Variants in FOXO1 observed in about 807,000 individuals in gnomAD.
The protein encoded by FOXO1 is forkhead box protein O1.
Under a neutral mutation model 44.1 loss-of-function variants are expected in FOXO1, and 6 were observed. The ratio of observed to expected loss-of-function variants is 0.14; its 90% CI spans 0.07 to 0.27. FOXO1 has a LOEUF of 0.27. Among genes scored for constraint, FOXO1 ranks in the 10% least tolerant of loss-of-function variants. The pLI, the probability that FOXO1 is intolerant of heterozygous loss-of-function variation, is 1.00. For missense variants in FOXO1, 737 were observed against 888.8 expected, an observed-to-expected ratio of 0.83 and a Z score of 2.17; for synonymous variants, 380 against 362.7, an observed-to-expected ratio of 1.05 and a Z score of -0.54.
At chr13:40,615,758 G>GC (rs1029679782) in intron 1 of FOXO1, among the ~76,000 whole-genome samples, 1 of 152,152 alleles carries the variant, frequency 6.6e-6, no homozygotes, top group African/African-American at 2.4e-5. Context: ...TGGTGCCAAA[G>GC]CCCCGAGGCA....
intron 1 of FOXO1, among the ~76,000 whole-genome samples, chr13:40,589,546 G>C (rs1217821879): frequency 6.6e-6 from 1 of 152,178 alleles, no homozygotes; most frequent in African/African-American, 2.4e-5. Flanking sequence ...TTTCGTCTTT[G>C]TTACTCTATC....
chr13:40,643,650 G>C (rs1167868470), intron 1 of FOXO1, among the ~76,000 whole-genome samples: 1 of 151,960 alleles, frequency 6.6e-6, no homozygotes, highest in Non-Finnish European at 1.5e-5. Flanking sequence ...GGAAAGATAG[G>C]TCTAAAGGTT....
Position 40,576,686 on chromosome 13 carries a change from G to C in FOXO1, c.631-15826C>G, listed in dbSNP as rs117059540. ...GTTTTCGATTCAAGCTTTGGCTTCT[G>C]TCTCATGACTTGAAGGATACTTGAT... is the stretch of plus-strand genomic sequence containing the variant. On this transcript the variant is annotated intron_variant, in intron 1 of 2. Coordinates refer to ENST00000379561, the MANE Select transcript of FOXO1 (RefSeq NM_002015.4). Among the ~76,000 whole-genome samples the C allele has an allele frequency of 7.2e-5, 11 of 152,306 alleles. No individual in the cohort carries two copies. The East Asian group carries it at 2.1e-3, about 29-fold the overall frequency.
chr13:40,634,486 G>A (rs983613124), intron 1 of FOXO1, among the ~76,000 whole-genome samples: 17 of 151,972 alleles, frequency 1.1e-4, no homozygotes, highest in African/African-American at 3.9e-4. Flanking sequence ...AGTGAGCTAG[G>A]GCAACACAGA....
At chr13:40,607,556 G>C (rs1263182577) in intron 1 of FOXO1, among the ~76,000 whole-genome samples, 1 of 152,152 alleles carries the variant, frequency 6.6e-6, no homozygotes, top group Non-Finnish European at 1.5e-5. Context: ...AAAGTTATCA[G>C]GGAGCTTAAA....
chr13:40,559,588 C>T lies in FOXO1; in HGVS notation c.1903G>A (p.Val635Met). ...GDTLDFNFDN[V>M]LPNQSFPHSV... ...TGTGGGAAGCTTTGGTTGGGCAACACATTGTCAAAGTTAAAATCCAATGTA... is the reference window on the plus strand; with the variant it reads ...TGTGGGAAGCTTTGGTTGGGCAACATATTGTCAAAGTTAAAATCCAATGTA... Residue 635 changes from valine to methionine, a missense_variant, in exon 2 of 3, where the codon GTG becomes ATG. Transcript: ENST00000379561. The T allele has an allele frequency of 6.2e-7, 1 of 1,613,878 alleles. No homozygotes were observed. Among genetic ancestry groups the T allele is most frequent in the Non-Finnish European group, 8.5e-7 (1 of 1,179,840 alleles).
chr13:40,651,057 G>C (rs1225062456), intron 1 of FOXO1, among the ~76,000 whole-genome samples: 1 of 151,872 alleles, frequency 6.6e-6, no homozygotes, highest in Non-Finnish European at 1.5e-5. Flanking sequence ...ACAGGTGTGA[G>C]CCACCACGCA....
At chr13:40,644,791 C>A (rs909363932) in intron 1 of FOXO1, among the ~76,000 whole-genome samples, 8 of 152,220 alleles carry the variant, frequency 5.3e-5, no homozygotes, top group African/African-American at 1.9e-4. Flanking sequence ...GAATTTAACT[C>A]CTTTTACTAA....
At chr13:40,664,140 G>A (rs1385940233) in intron 1 of FOXO1, among the ~76,000 whole-genome samples, 1 of 152,218 alleles carries the variant, frequency 6.6e-6, no homozygotes, top group Admixed American at 6.5e-5. Flanking sequence ...CGACGTGGTG[G>A]CTCGTGCCTG....
chr13:40,605,669 T>G (rs145464283), intron 1 of FOXO1, among the ~76,000 whole-genome samples: 1 of 152,276 alleles, frequency 6.6e-6, no homozygotes, highest in Non-Finnish European at 1.5e-5. Flanking sequence ...GCACTCTGTT[T>G]TTTCCTGGTT....
At chr13:40,634,055 C>CTTTACAA (rs1390143885) in intron 1 of FOXO1, among the ~76,000 whole-genome samples, 1 of 152,172 alleles carries the variant, frequency 6.6e-6, no homozygotes, top group African/African-American at 2.4e-5. Context: ...TACCTATTCT[C>CTTTACAA]TGGATGAGGC....
chr13:40,571,909 C>T (rs2137838256), intron 1 of FOXO1, among the ~76,000 whole-genome samples: 1 of 152,338 alleles, frequency 6.6e-6, no homozygotes, highest in African/African-American at 2.4e-5. Flanking sequence ...TTAGGATCTA[C>T]TCTCTTCTGA....
At chr13:40,594,118 A>G (rs1365211242) in intron 1 of FOXO1, among the ~76,000 whole-genome samples, 1 of 152,198 alleles carries the variant, frequency 6.6e-6, no homozygotes, top group Non-Finnish European at 1.5e-5. Context: ...AGTCAACTAT[A>G]TAATTATCAA....
chr13:40,632,661 A>G (rs1279595946), intron 1 of FOXO1, among the ~76,000 whole-genome samples: 1 of 151,734 alleles, frequency 6.6e-6, no homozygotes, highest in Non-Finnish European at 1.5e-5. Context: ...AAAAAAAAAG[A>G]GCCGGGCACA....
intron 1 of FOXO1, chr13:40,619,963 A>G: frequency 2.9e-6 from 2 of 681,366 alleles, no homozygotes; most frequent in Non-Finnish European, 5.4e-6. Context: ...TACTATAAGT[A>G]GCCGAAGCTG....
rs148027699 is a variant in FOXO1 at position 40,575,205 on chromosome 13, G to C, written c.631-14345C>G. Among the ~76,000 whole-genome samples, 264 of 152,068 alleles carry C rather than the reference G, an allele frequency of 1.7e-3. 1 individual carries two copies. Among genetic ancestry groups the C allele is most frequent in the African/African-American group, 6.3e-3 (260 of 41,458 alleles). Reference sequence around the variant, plus strand: ...AAAAAAAATCAAAAAGTTAGGTGTGGTGTTGCACATTTGTAGTCCCAGCAA... The same window carrying C: ...AAAAAAAATCAAAAAGTTAGGTGTGCTGTTGCACATTTGTAGTCCCAGCAA... On this transcript the variant is annotated intron_variant, in intron 1 of 2. Coordinates refer to ENST00000379561, the MANE Select transcript of FOXO1 (RefSeq NM_002015.4).
chr13:40,660,886 G>A (rs1238652017), intron 1 of FOXO1, among the ~76,000 whole-genome samples: 7 of 152,094 alleles, frequency 4.6e-5, no homozygotes, highest in African/African-American at 1.7e-4. Context: ...AGAGGTTGCA[G>A]TGAGCTGAGA....
At chr13:40,573,256 C>G (rs1874614248) in intron 1 of FOXO1, among the ~76,000 whole-genome samples, 2 of 152,222 alleles carry the variant, frequency 1.3e-5, no homozygotes, top group Non-Finnish European at 2.9e-5. Context: ...TGGCACTCCA[C>G]CAGATGTGGG....
intron 1 of FOXO1, among the ~76,000 whole-genome samples, chr13:40,659,330 AAG>A (rs1877962453): frequency 6.4e-5 from 9 of 140,902 alleles, no homozygotes; most frequent in Admixed American, 5.0e-4. Flanking sequence ...AAAAAAAAAA[AAG>A]AAAAGAAAAG....
Sources: allele counts gnomAD v4.1 joint callset (sites outside exome capture counted in the v4.1 genomes callset), GRCh38; gene constraint gnomAD v4.1.1; transcripts MANE v1.5; gene names NCBI Gene and HGNC (gene_info 2026-07-23, HGNC 2026-07-21).